TRIM16: variants seen among roughly 807,000 people sequenced by gnomAD.
The protein encoded by TRIM16 is tripartite motif-containing protein 16.
TRIM16 carries 33 observed loss-of-function variants against 50.4 expected under a neutral mutation model. The observed-to-expected ratio is 0.65, with a 90% CI of 0.50 to 0.88. The LOEUF (loss-of-function observed/expected upper bound fraction) is 0.88, where lower values mean the gene tolerates loss of function less well. Among genes scored for constraint, TRIM16 ranks in the 40% least tolerant of loss-of-function variants. TRIM16 has a pLI of 0.00. For synonymous variants in TRIM16, 229 were observed against 270.7 expected (o/e 0.85, Z 1.51); for missense variants, 581 against 686.8 (o/e 0.85, Z 1.72).
intron 6 of TRIM16, among the ~76,000 whole-genome samples, chr17:15,659,682 A>C (rs539246575): frequency 6.6e-6 from 1 of 152,342 alleles, no homozygotes; most frequent in East Asian, 1.9e-4. Flanking sequence ...ATCTTTAAAA[A>C]ATCTGTAACA....
intron 6 of TRIM16, among the ~76,000 whole-genome samples, chr17:15,657,699 G>A (rs551403533): frequency 6.3e-4 from 96 of 152,172 alleles, no homozygotes; most frequent in Middle Eastern, 6.8e-3. Flanking sequence ...CATTCATATC[G>A]TAGCATGCAT....
intron 6 of TRIM16, among the ~76,000 whole-genome samples, chr17:15,671,074 A>G (rs1215497094): frequency 6.6e-6 from 1 of 152,290 alleles, no homozygotes. Context: ...ATAAATTGGC[A>G]TATCTTCTGA....
At chr17:15,653,394 G>A (rs1167027100) in intron 6 of TRIM16, among the ~76,000 whole-genome samples, 1 of 152,178 alleles carries the variant, frequency 6.6e-6, no homozygotes, top group Non-Finnish European at 1.5e-5. Context: ...TAAGACGCAT[G>A]GTGTGTGAGC....
chr17:15,677,515 A>G (rs138372167), intron 5 of TRIM16, 60 bp downstream of exon 5: 2 of 1,017,702 alleles, frequency 2.0e-6, no homozygotes, highest in African/African-American at 3.4e-5. Flanking sequence ...AAGCAAGGGA[A>G]TCTTTAGAAG....
Position 15,629,064 on chromosome 17 carries a change from G to A in TRIM16, c.1246C>T (p.Arg416Trp), listed in dbSNP as rs772945975. ...AGACTCTGCTGGGACAGCACCTGCC[G>A]CCAGTGCAGGAACCTGCTGGGGAGG... ...PDLPSRFLHWRQVLSQQSLYL... is the reference protein window; with the variant it reads ...PDLPSRFLHWWQVLSQQSLYL... The change falls in exon 12 of 12, where the codon CGG (arginine) becomes TGG (tryptophan). Residue 416 changes from arginine (R) to tryptophan (W), a missense_variant. This residue lies in a region of TRIM16 where 450 missense variants were observed against 544.3 expected (regional missense o/e 0.83). Coordinates refer to ENST00000649191, the MANE Select transcript of TRIM16 (RefSeq NM_001348119.1). 9.3e-6 allele frequency: 15 copies of A among 1,613,912 alleles called. No individual in the cohort carries two copies. The East Asian group carries it at 1.1e-4, about 12-fold the overall frequency.
chr17:15,666,369 A>G (rs1988501915), intron 6 of TRIM16, among the ~76,000 whole-genome samples: 1 of 152,222 alleles, frequency 6.6e-6, no homozygotes, highest in South Asian at 2.1e-4. Context: ...AGCGTGAGCC[A>G]CTGCACCCAC....
Position 15,651,150 on chromosome 17 carries a change from AAC to A in TRIM16, c.458_459del (p.Cys153LeufsTer22). On this transcript the variant is annotated frameshift_variant, in exon 7 of 12. Coordinates refer to ENST00000649191, the MANE Select transcript of TRIM16 (RefSeq NM_001348119.1). LOFTEE classifies it high-confidence loss of function. ...CPDQQCICQD[C>X]CQEHSGHTIV... is the part of the protein sequence containing the mutation. ...ATGGTGTGGCCACTGTGCTCCTGGC[AAC>A]AGTCCTGGCAGATGCACTGCTGATC... is the stretch of plus-strand genomic sequence containing the variant. 6.2e-7 allele frequency: 1 copy of A among 1,614,148 alleles called. No homozygotes were observed. Among genetic ancestry groups the A allele is most frequent in the South Asian group, 1.1e-5 (1 of 91,084 alleles).
At chr17:15,663,736 C>G (rs931171817) in intron 6 of TRIM16, among the ~76,000 whole-genome samples, 12 of 152,126 alleles carry the variant, frequency 7.9e-5, no homozygotes, top group African/African-American at 2.9e-4. Context: ...AGCTTGGGGT[C>G]CAAAACTGGA....
chr17:15,679,853 A>C (rs163379), intron 4 of TRIM16, among the ~76,000 whole-genome samples: 49,810 of 150,792 alleles, frequency 0.33, 10,428 homozygotes, highest in African/African-American at 0.59. Context: ...AGGAGAATGG[A>C]GTGAACCTGG....
In TRIM16 at chr17:15,628,717, AT is replaced by A; in HGVS notation, c.1592del (p.Tyr531LeufsTer16). ...KFACKFSEPV[Y>X]AAFWLSKKEN... ...CCTTCTTGGAAAGCCAGAAGGCAGC[AT>A]AGACTGGTTCTGAAAATTTGCAGGC... On this transcript the variant is annotated frameshift_variant, in exon 12 of 12. Transcript: ENST00000649191. LOFTEE classifies it high-confidence loss of function. 6.2e-7 allele frequency: 1 copy of A among 1,614,210 alleles called. No homozygotes were observed. The highest frequency in any genetic ancestry group is 8.5e-7 in the Non-Finnish European group (1 of 1,180,026).
intron 6 of TRIM16, among the ~76,000 whole-genome samples, chr17:15,672,753 T>C (rs2649463): frequency 6.6e-6 from 1 of 151,790 alleles, no homozygotes; most frequent in African/African-American, 2.4e-5. Context: ...ACAAACAAAC[T>C]AATCTGAGAG....
chr17:15,644,691 C>A (rs1410199183), intron 7 of TRIM16, among the ~76,000 whole-genome samples: 1 of 152,192 alleles, frequency 6.6e-6, no homozygotes, highest in Non-Finnish European at 1.5e-5. Flanking sequence ...GCCCCCTCAG[C>A]CACCCAGTCA....
chr17:15,675,249 G>A (rs1195763930), intron 6 of TRIM16, among the ~76,000 whole-genome samples: 1 of 152,168 alleles, frequency 6.6e-6, no homozygotes, highest in East Asian at 1.9e-4. Context: ...AATAACCAGG[G>A]TAGGAGAGGA....
chr17:15,628,900 T>G lies in TRIM16; in HGVS notation c.1410A>C (p.Gln470His). 6.2e-7 allele frequency: 1 copy of G among 1,614,200 alleles called. No homozygotes were observed. Among genetic ancestry groups the G allele is most frequent in the Admixed American group, 1.7e-5 (1 of 60,022 alleles). Residue 470 changes from glutamine to histidine, a missense_variant, in exon 12 of 12, where the codon CAA (glutamine) becomes CAC (histidine). Physicochemically the swap from Gln to His is conservative, Grantham distance 24. This residue lies in a region of TRIM16 where 115 missense variants were observed against 106.7 expected (regional missense o/e 1.08). Coordinates refer to ENST00000649191, the MANE Select transcript of TRIM16 (RefSeq NM_001348119.1). Reference sequence around the variant, plus strand: ...AGGCCGTGAACTCCTTCCCGTTCCATTGGAGGCTCCAGGAGAAGTTGTTTC... The same window carrying G: ...AGGCCGTGAACTCCTTCCCGTTCCAGTGGAGGCTCCAGGAGAAGTTGTTTC... ...ISGNNFSWSL[Q>H]WNGKEFTAWY...
chr17:15,653,734 A>G (rs113003950), intron 6 of TRIM16, among the ~76,000 whole-genome samples: 12 of 152,334 alleles, frequency 7.9e-5, no homozygotes, highest in African/African-American at 2.9e-4. Context: ...TTGTAGGGGA[A>G]GGAGACACAA....
chr17:15,647,733 G>A (rs1227079911), intron 7 of TRIM16, among the ~76,000 whole-genome samples: 4 of 151,864 alleles, frequency 2.6e-5, no homozygotes, highest in African/African-American at 7.3e-5. Flanking sequence ...CATTTGATAC[G>A]CTTGAGGAAC....
At chr17:15,656,691 G>A (rs4792644) in intron 6 of TRIM16, among the ~76,000 whole-genome samples, 60,268 of 151,852 alleles carry the variant, frequency 0.4, 13,997 homozygotes, top group African/African-American at 0.65. Context: ...CTCTACCCCA[G>A]CTCTGTTATT....
rs780443884 is a variant in TRIM16 at position 15,651,301 on chromosome 17, C to T, written c.309G>A (p.Glu103=). 2.9e-5 allele frequency: 47 copies of T among 1,614,130 alleles called. 1 individual carries two copies. In the Middle Eastern group the frequency reaches 4.1e-3, roughly 141 times the overall value. ...TGTTCACCTGATGCGGCTGCAAGTG[C>T]TCTTCACAGTAATTCACCATGCAGG... ...CLTCMVNYCE[E]HLQPHQVNIK... is the part of the protein sequence containing the mutation. Residue 103 remains glutamate, a synonymous_variant, in exon 7 of 12, where the codon GAG becomes GAA. Coordinates refer to ENST00000649191, the MANE Select transcript of TRIM16 (RefSeq NM_001348119.1).
At chr17:15,640,091 T>C (rs1412113835) in intron 8 of TRIM16, among the ~76,000 whole-genome samples, 1 of 149,314 alleles carries the variant, frequency 6.7e-6, no homozygotes, top group Admixed American at 6.6e-5. Context: ...AATGGACTGA[T>C]TTGCCCAAGA....
Sources: allele counts gnomAD v4.1 joint callset (sites outside exome capture counted in the v4.1 genomes callset), GRCh38; gene constraint gnomAD v4.1.1; regional missense constraint gnomAD v4.1.1; transcripts MANE v1.5; gene names NCBI Gene and HGNC (gene_info 2026-07-23, HGNC 2026-07-21).